FHIP1A: variants seen among roughly 807,000 people sequenced by gnomAD.
The protein encoded by FHIP1A is FHF complex subunit HOOK-interacting protein 1A.
FHIP1A carries 61 observed loss-of-function variants against 88.6 expected under a neutral mutation model. That is an observed-to-expected ratio of 0.69 (90% CI 0.56 to 0.85). The LOEUF (loss-of-function observed/expected upper bound fraction) is 0.85, where lower values mean the gene tolerates loss of function less well. Among genes scored for constraint, FHIP1A ranks in the 40% least tolerant of loss-of-function variants. The probability of loss-of-function intolerance (pLI) is 0.00; values close to 1 mark genes in which losing one functional copy is unlikely to be tolerated. For synonymous variants in FHIP1A, 478 were observed against 496.0 expected (o/e 0.96, Z 0.48); for missense variants, 1,154 against 1,273.5 (o/e 0.91, Z 1.43).
At chr4:151,489,551 G>T (rs1049629370) in intron 3 of FHIP1A, among the ~76,000 whole-genome samples, 18 of 152,318 alleles carry the variant, frequency 1.2e-4, no homozygotes, top group Admixed American at 7.2e-4. Context: ...AGCCCTGCTT[G>T]CTTTCTCAGC....
In FHIP1A at chr4:151,586,931, A is replaced by C. The variant is rs1734239638; in HGVS notation, c.891+132A>C. Reference sequence around the variant, plus strand: ...TTATGGAATATTGGTGCTTTAAGCCAATTGAATGTCCTTGAATGAGTGAAA... The same window carrying C: ...TTATGGAATATTGGTGCTTTAAGCCCATTGAATGTCCTTGAATGAGTGAAA... On this transcript the variant is annotated intron_variant, in intron 6 of 13. Coordinates refer to ENST00000435205, the MANE Select transcript of FHIP1A (RefSeq NM_001109977.3). 4.5e-6 allele frequency: 3 copies of C among 665,478 alleles called. No individual in the cohort carries two copies. The East Asian group carries it at 9.2e-5, about 20-fold the overall frequency. The allele number at this position is 665,478 out of a possible 1,614,324, so 41.2% of individuals were successfully genotyped here.
At chr4:151,446,620 A>T in intron 1 of FHIP1A, among the ~76,000 whole-genome samples, 1 of 139,016 alleles carries the variant, frequency 7.2e-6, no homozygotes. Context: ...TTAATCTTTG[A>T]CAAAATTGGG....
chr4:151,537,430 T>C (rs1294525841), intron 3 of FHIP1A, among the ~76,000 whole-genome samples: 1 of 152,216 alleles, frequency 6.6e-6, no homozygotes, highest in Non-Finnish European at 1.5e-5. Flanking sequence ...TTATCTCTGT[T>C]CATGTCTTTT....
intron 3 of FHIP1A, among the ~76,000 whole-genome samples, chr4:151,511,371 G>T (rs112271132): frequency 6.6e-6 from 1 of 152,204 alleles, no homozygotes; most frequent in Non-Finnish European, 1.5e-5. Flanking sequence ...GAAGACGGGC[G>T]ATTTCTGCAT....
intron 1 of FHIP1A, among the ~76,000 whole-genome samples, chr4:151,413,564 C>T (rs779101336): frequency 2.4e-4 from 37 of 152,162 alleles, no homozygotes; most frequent in Non-Finnish European, 5.0e-4. Context: ...AAGCCATTCT[C>T]CTGCCTCAAC....
At chr4:151,574,129 C>T (rs1033731398) in intron 4 of FHIP1A, among the ~76,000 whole-genome samples, 1 of 152,208 alleles carries the variant, frequency 6.6e-6, no homozygotes, top group Non-Finnish European at 1.5e-5. Flanking sequence ...AGGTTAAGGA[C>T]ATGTGGCAAC....
intron 3 of FHIP1A, among the ~76,000 whole-genome samples, chr4:151,511,096 T>C (rs1731011426): frequency 6.6e-6 from 1 of 152,334 alleles, no homozygotes; most frequent in South Asian, 2.1e-4. Flanking sequence ...CAGCCTGATA[T>C]GACAAATCCC....
chr4:151,453,724 C>T (rs534282256), intron 1 of FHIP1A, among the ~76,000 whole-genome samples: 2 of 152,234 alleles, frequency 1.3e-5, no homozygotes, highest in East Asian at 3.9e-4. Flanking sequence ...TACCTGTAAT[C>T]CCAGCTACTG....
At chr4:151,588,793 A>C in intron 6 of FHIP1A, 47 bp from the exon 7 acceptor site, 3 of 1,150,544 alleles carry the variant, frequency 2.6e-6, no homozygotes, top group African/African-American at 3.1e-5. Flanking sequence ...TTAAGAACTG[A>C]AGATTGAACT....
At chr4:151,443,006 G>A (rs750682704) in intron 1 of FHIP1A, among the ~76,000 whole-genome samples, 12 of 152,048 alleles carry the variant, frequency 7.9e-5, no homozygotes, top group Non-Finnish European at 1.2e-4. Context: ...TGGCTATAGC[G>A]CTGGCACTTT....
At chr4:151,586,837 T>A in intron 6 of FHIP1A, 38 bp downstream of exon 6, 1 of 1,459,658 alleles carries the variant, frequency 6.9e-7, no homozygotes, top group Non-Finnish European at 9.3e-7. Flanking sequence ...TGCTATGGCT[T>A]CATTCAGAGC....
intron 7 of FHIP1A, among the ~76,000 whole-genome samples, chr4:151,627,074 TG>T: frequency 6.6e-6 from 1 of 152,314 alleles, no homozygotes; most frequent in South Asian, 2.1e-4. Flanking sequence ...AAGGAAAAGA[TG>T]GAAGAAGGGA....
Position 151,630,432 on chromosome 4 carries a change from C to T in FHIP1A, c.1146+563C>T, listed in dbSNP as rs555008335. 2.2e-4 allele frequency among the ~76,000 whole-genome samples: 33 copies of T among 152,134 alleles called. No individual in the cohort carries two copies. The South Asian group carries it at 5.0e-3, about 23-fold the overall frequency. On this transcript the variant is annotated intron_variant, in intron 8 of 13. Coordinates refer to ENST00000435205, the MANE Select transcript of FHIP1A (RefSeq NM_001109977.3). ...AAAGAATGAGAATGTATATATCATT[C>T]GGTTTGCAACATATATAGAGATAAT... is the stretch of plus-strand genomic sequence containing the variant.
At chr4:151,593,642 A>G (rs1246975070) in intron 7 of FHIP1A, among the ~76,000 whole-genome samples, 3 of 152,324 alleles carry the variant, frequency 2.0e-5, no homozygotes, top group Non-Finnish European at 2.9e-5. Flanking sequence ...GTTGCTTATC[A>G]GTTTAAGGAG....
chr4:151,545,544 A>AT (rs1289364195), intron 3 of FHIP1A, among the ~76,000 whole-genome samples: 5 of 151,168 alleles, frequency 3.3e-5, no homozygotes, highest in African/African-American at 1.2e-4. Flanking sequence ...CGCCCGGCTA[A>AT]TTTTTTGTAT....
chr4:151,512,757 G>C, intron 3 of FHIP1A, among the ~76,000 whole-genome samples: 1 of 152,108 alleles, frequency 6.6e-6, no homozygotes, highest in Non-Finnish European at 1.5e-5. Flanking sequence ...AGAGAAAAAA[G>C]AATAAAAAGA....
chr4:151,622,273 A>G (rs1430172421), intron 7 of FHIP1A, among the ~76,000 whole-genome samples: 1 of 152,174 alleles, frequency 6.6e-6, no homozygotes, highest in Admixed American at 6.5e-5. Flanking sequence ...ACTTATTAAG[A>G]TGAGGGCAGG....
chr4:151,650,689 G>A (rs2126913906), intron 11 of FHIP1A, 97 bp downstream of exon 11: 2 of 1,427,988 alleles, frequency 1.4e-6, no homozygotes, highest in East Asian at 2.5e-5. Flanking sequence ...GGATATTATC[G>A]GTTTGTCTAA....
At chr4:151,422,886 G>T (rs1409862577) in intron 1 of FHIP1A, among the ~76,000 whole-genome samples, 1 of 151,894 alleles carries the variant, frequency 6.6e-6, no homozygotes, top group Non-Finnish European at 1.5e-5. Flanking sequence ...GTGACTTTTA[G>T]GTTCTCTGCC....
Sources: allele counts gnomAD v4.1 joint callset (sites outside exome capture counted in the v4.1 genomes callset), GRCh38; gene constraint gnomAD v4.1.1; transcripts MANE v1.5; gene names NCBI Gene and HGNC (gene_info 2026-07-23, HGNC 2026-07-21).